The following FANCI variants were observed in gnomAD, a reference collection of about 807,000 sequenced individuals.
The protein encoded by FANCI is FA complementation group I.
Under a neutral mutation model 176.1 loss-of-function variants are expected in FANCI, and 156 were observed. The ratio of observed to expected loss-of-function variants is 0.89; its 90% CI spans 0.78 to 1.01. The LOEUF is 1.01. FANCI is among the 50% of genes least tolerant of loss of function. FANCI has a pLI of 0.00. For missense variants in FANCI, 1,678 were observed against 1,534.1 expected, an observed-to-expected ratio of 1.09 and a Z score of -1.57; for synonymous variants, 613 against 541.7, an observed-to-expected ratio of 1.13 and a Z score of -1.83.
intron 1 of FANCI, among the ~76,000 whole-genome samples, chr15:89,246,286 T>C (rs75729865): frequency 0.013 from 2,002 of 152,310 alleles, 38 homozygotes; most frequent in African/African-American, 0.045. Flanking sequence ...TCATTTCCAC[T>C]AAAATAACTT....
chr15:89,276,826 C>G lies in FANCI; in HGVS notation c.1228C>G (p.Leu410Val). 6.2e-7 allele frequency: 1 copy of G among 1,614,164 alleles called. No individual in the cohort carries two copies. Among genetic ancestry groups the G allele is most frequent in the Non-Finnish European group, 8.5e-7 (1 of 1,180,030 alleles). The change falls in exon 13 of 38, where the codon CTT (leucine) becomes GTT (valine). Residue 410 changes from leucine to valine, a missense_variant. Physicochemically the swap from Leu to Val is conservative, Grantham distance 32. Coordinates refer to ENST00000310775, the MANE Select transcript of FANCI (RefSeq NM_001113378.2). Reference protein sequence around the residue: ...DGKTIETSPSLSRMPNQHACK... With the variant: ...DGKTIETSPSVSRMPNQHACK... ...AAAAACTATTGAAACCAGCCCAAGT[C>G]TTTCTAGAATGCCAAACCAGCATGC... is the stretch of plus-strand genomic sequence containing the variant.
Position 89,283,059 on chromosome 15 carries a change from C to G in FANCI, c.1584-77C>G, listed in dbSNP as rs531504912. ...ATACATATGCCTTCTCTGTATGCAA[C>G]TAGCTGGATTTTTCTGACCCAGAAG... On this transcript the variant is annotated intron_variant, in intron 16 of 37. Transcript: ENST00000310775. 3 of 1,424,198 alleles carry G rather than the reference C, an allele frequency of 2.1e-6. No individual in the cohort carries two copies. In the Admixed American group the frequency reaches 5.1e-5, roughly 24 times the overall value. The allele number at this position is 1,424,198 out of a possible 1,614,324, so 88.2% of individuals were successfully genotyped here. A position where few individuals can be genotyped will look rare whatever the true frequency, so the allele number is the denominator to read the frequency against.
chr15:89,301,544 A>G, intron 27 of FANCI, 102 bp downstream of exon 27: 2 of 852,586 alleles, frequency 2.3e-6, no homozygotes, highest in Non-Finnish European at 4.1e-6. Context: ...AATTGAGCTT[A>G]TTTTACATAA....
intron 14 of FANCI, among the ~76,000 whole-genome samples, chr15:89,279,426 G>A (rs987644306): frequency 6.6e-6 from 1 of 152,184 alleles, no homozygotes; most frequent in Non-Finnish European, 1.5e-5. Flanking sequence ...CCAAAGTGCT[G>A]GGATTACAGG....
chr15:89,291,543 T>G (rs1223256572), intron 19 of FANCI, 70 bp from the exon 20 acceptor site: 3 of 1,212,330 alleles, frequency 2.5e-6, no homozygotes, highest in Admixed American at 1.7e-5. Context: ...AAGATACCTT[T>G]CACCTGAGAA....
At chr15:89,285,644 A>G (rs1278296829) in intron 18 of FANCI, among the ~76,000 whole-genome samples, 1 of 152,194 alleles carries the variant, frequency 6.6e-6, no homozygotes, top group Non-Finnish European at 1.5e-5. Flanking sequence ...GTGAGAAATC[A>G]TAAAACACAG....
chr15:89,309,201 C>T (rs150742793), intron 34 of FANCI, among the ~76,000 whole-genome samples: 1,649 of 152,252 alleles, frequency 0.011, 18 homozygotes, highest in Non-Finnish European at 0.017. Flanking sequence ...TTTCTCAAAC[C>T]TCATGCTTGT....
intron 24 of FANCI, among the ~76,000 whole-genome samples, chr15:89,297,402 AGGCAGGC>A (rs924817107): frequency 4.0e-5 from 6 of 151,274 alleles, no homozygotes; most frequent in African/African-American, 1.4e-4. Flanking sequence ...TGGGAGGCCA[AGGCAGGC>A]GGCTGGGAGG....
chr15:89,257,688 C>T (rs113012772), intron 2 of FANCI, among the ~76,000 whole-genome samples: 33 of 152,280 alleles, frequency 2.2e-4, no homozygotes, highest in African/African-American at 7.7e-4. Context: ...AATAAGGTCA[C>T]ATTCTGAAAT....
intron 17 of FANCI, 99 bp downstream of exon 17, chr15:89,283,349 A>G: frequency 6.4e-7 from 1 of 1,562,014 alleles, no homozygotes; most frequent in Non-Finnish European, 8.7e-7. Context: ...GGTTGTAAGA[A>G]TGATCCTAGA....
chr15:89,247,763 T>G, intron 2 of FANCI, 32 bp downstream of exon 2: 3 of 1,586,658 alleles, frequency 1.9e-6, no homozygotes, highest in Non-Finnish European at 8.7e-7. Context: ...CTGCTAAAAG[T>G]AAATGTCAGG....
chr15:89,286,976 A>AATTTTTTTTTT (rs1254898312), intron 18 of FANCI, among the ~76,000 whole-genome samples: 1 of 56,052 alleles, frequency 1.8e-5, no homozygotes. Context: ...TTCACCTTGC[A>AATTTTTTTTTT]CTTTTTTTTT....
intron 2 of FANCI, among the ~76,000 whole-genome samples, chr15:89,255,302 C>A (rs1446613195): frequency 2.0e-5 from 3 of 152,148 alleles, no homozygotes; most frequent in African/African-American, 7.2e-5. Context: ...TGTATCAAAT[C>A]ACTGAGCTCT....
At chr15:89,268,821 A>G (rs1221647062) in intron 10 of FANCI, among the ~76,000 whole-genome samples, 2 of 152,140 alleles carry the variant, frequency 1.3e-5, no homozygotes, top group Non-Finnish European at 2.9e-5. Flanking sequence ...GGTGAGAACT[A>G]TTCAGCAGGA....
rs148415946 is a variant in FANCI at position 89,292,792 on chromosome 15, C to G, written c.2097C>G (p.Tyr699Ter). The stretch of plus-strand genomic sequence containing the variant: ...AAGAGGAGGAGGAAGAGGCATTCTA[C>G]GAAGACCTAGATGATATATTGGAGT... ...EEEEEEEEAF[Y>*]EDLDDILESI... The change falls in exon 21 of 38, where the codon TAC becomes TAG. Residue 699 changes from tyrosine (Y) to a stop codon, truncating the protein, a stop_gained. Coordinates refer to ENST00000310775, the MANE Select transcript of FANCI (RefSeq NM_001113378.2). LOFTEE classifies it high-confidence loss of function. 3 of 1,613,972 alleles carry G rather than the reference C, an allele frequency of 1.9e-6. No individual in the cohort carries two copies. The highest frequency in any genetic ancestry group is 2.5e-6 in the Non-Finnish European group (3 of 1,179,960).
intron 34 of FANCI, 125 bp downstream of exon 34, chr15:89,307,797 G>A (rs1403564835): frequency 1.3e-6 from 2 of 1,562,198 alleles, no homozygotes; most frequent in Non-Finnish European, 1.7e-6. Context: ...CAAGCTGGAG[G>A]CACCCATCAG....
At chr15:89,302,502 T>C (rs566104919) in intron 27 of FANCI, among the ~76,000 whole-genome samples, 33 of 152,332 alleles carry the variant, frequency 2.2e-4, no homozygotes, top group African/African-American at 7.5e-4. Flanking sequence ...TTTTAAACTT[T>C]TAAACTTTTA....
intron 34 of FANCI, among the ~76,000 whole-genome samples, chr15:89,311,341 C>T (rs1242724754): frequency 6.6e-6 from 1 of 152,160 alleles, no homozygotes; most frequent in African/African-American, 2.4e-5. Flanking sequence ...ATCGCTTGAA[C>T]CTGGGAGGCA....
intron 17 of FANCI, 112 bp downstream of exon 17, chr15:89,283,362 T>C: frequency 6.7e-7 from 1 of 1,498,924 alleles, no homozygotes; most frequent in South Asian, 1.2e-5. Flanking sequence ...ATCCTAGAAC[T>C]AAAGAGTCTG....
Sources: allele counts gnomAD v4.1 joint callset (sites outside exome capture counted in the v4.1 genomes callset), GRCh38; gene constraint gnomAD v4.1.1; transcripts MANE v1.5; gene names NCBI Gene and HGNC (gene_info 2026-07-23, HGNC 2026-07-21).